ODAD2: variants seen among roughly 807,000 people sequenced by gnomAD.
ODAD2 encodes outer dynein arm-docking complex subunit 2.
A neutral mutation model predicts 106.8 loss-of-function variants in ODAD2; 89 were observed. That is an observed-to-expected ratio of 0.83 (90% CI 0.70 to 0.99). The LOEUF (loss-of-function observed/expected upper bound fraction) is 0.99. Ranked by LOEUF, ODAD2 falls within the 50% of genes least tolerant of loss-of-function variation. The pLI is 0.00. For missense variants in ODAD2, 1,168 were observed against 1,238.5 expected (o/e 0.94, Z 0.85); for synonymous variants, 404 against 436.2 (o/e 0.93, Z 0.92).
chr10:27,836,903 G>T (rs891382415), intron 19 of ODAD2, among the ~76,000 whole-genome samples: 6 of 152,140 alleles, frequency 3.9e-5, no homozygotes, highest in African/African-American at 9.7e-5. Context: ...CAAACCTAAA[G>T]AGTATAGCTC....
chr10:27,985,321 C>A, intron 3 of ODAD2, 110 bp from the exon 4 acceptor site: 1 of 932,768 alleles, frequency 1.1e-6, no homozygotes, highest in Non-Finnish European at 1.5e-6. Flanking sequence ...GTGTTTCTTT[C>A]ATTAAGCTTT....
intron 7 of ODAD2, among the ~76,000 whole-genome samples, chr10:27,980,724 G>T (rs1471803773): frequency 1.3e-5 from 2 of 152,130 alleles, no homozygotes; most frequent in African/African-American, 2.4e-5. Context: ...GATAATGCTG[G>T]TGAGAATGAA....
chr10:27,975,895 ACTT>A (rs1438863964), intron 7 of ODAD2, among the ~76,000 whole-genome samples: 1 of 152,154 alleles, frequency 6.6e-6, no homozygotes, highest in Admixed American at 6.5e-5. Flanking sequence ...TAGGTGCAAA[ACTT>A]CTTAAAATCT....
chr10:27,944,200 T>C, intron 12 of ODAD2, 22 bp downstream of exon 12: 2 of 1,597,898 alleles, frequency 1.3e-6, no homozygotes, highest in South Asian at 1.1e-5. Context: ...TAGATGACGA[T>C]GACAACATCA....
At chr10:27,980,426 A>C (rs1849472249) in intron 7 of ODAD2, among the ~76,000 whole-genome samples, 1 of 152,184 alleles carries the variant, frequency 6.6e-6, no homozygotes, top group African/African-American at 2.4e-5. Flanking sequence ...AAAAATTTGC[A>C]AACCTTCTAT....
intron 17 of ODAD2, among the ~76,000 whole-genome samples, chr10:27,887,189 T>G (rs1842281850): frequency 6.6e-6 from 1 of 151,984 alleles, no homozygotes; most frequent in East Asian, 1.9e-4. Context: ...ATGCAAATAG[T>G]AATTAAAAGA....
At position 27,959,255 on chromosome 10, in the gene ODAD2, G is replaced by GGAAA. The variant is rs145961853; in HGVS notation, c.1386+2309_1386+2312dup. The stretch of plus-strand genomic sequence containing the variant: ...AGGCGAGGAGGGGAGGAAGAAAGAA[G>GGAAA]GAAAGAAAGAAAGGAAAGGAAAGGG... On this transcript the variant is annotated intron_variant, in intron 10 of 19. Transcript: ENST00000305242. Among the ~76,000 whole-genome samples the GGAAA allele has an allele frequency of 1.8e-3, 260 of 142,878 alleles. 3 individuals are homozygous for GGAAA. Among genetic ancestry groups the GGAAA allele is most frequent in the African/African-American group, 6.7e-3 (247 of 36,704 alleles). 93.7% of individuals were successfully genotyped at this position (142,878 alleles called of 152,430 possible). A position where few individuals can be genotyped will look rare whatever the true frequency, so the allele number is the denominator to read the frequency against.
intron 10 of ODAD2, among the ~76,000 whole-genome samples, chr10:27,961,260 C>A (rs57246433): frequency 1.3e-5 from 2 of 152,070 alleles, no homozygotes; most frequent in African/African-American, 4.8e-5. Context: ...TTTAAAAATC[C>A]ATGTTATTTC....
At chr10:27,897,106 C>T (rs932511373) in intron 17 of ODAD2, among the ~76,000 whole-genome samples, 1 of 152,018 alleles carries the variant, frequency 6.6e-6, no homozygotes, top group Non-Finnish European at 1.5e-5. Flanking sequence ...CTCTTGATTT[C>T]TCTCCTTTCT....
chr10:27,896,776 A>C (rs1222307795), intron 17 of ODAD2, among the ~76,000 whole-genome samples: 1 of 152,196 alleles, frequency 6.6e-6, no homozygotes, highest in Non-Finnish European at 1.5e-5. Context: ...AGATATAGAT[A>C]TATAGATACA....
At chr10:27,879,995 ACAAGAGCAG>A (rs1841594700) in intron 17 of ODAD2, among the ~76,000 whole-genome samples, 1 of 152,204 alleles carries the variant, frequency 6.6e-6, no homozygotes. Flanking sequence ...ATGTGGTCCG[ACAAGAGCAG>A]AGTGTAGCGG....
chr10:27,920,537 C>T (rs1021586999), intron 16 of ODAD2, among the ~76,000 whole-genome samples: 9 of 152,044 alleles, frequency 5.9e-5, no homozygotes, highest in Admixed American at 4.6e-4. Flanking sequence ...AACCAAGATT[C>T]GGAAGATTAA....
At chr10:27,831,281 T>C (rs1442239079) in intron 19 of ODAD2, among the ~76,000 whole-genome samples, 2 of 152,162 alleles carry the variant, frequency 1.3e-5, no homozygotes, top group Non-Finnish European at 2.9e-5. Context: ...ATTTATAAAA[T>C]ATTAAATCTG....
chr10:27,923,757 G>A (rs1219335627), intron 16 of ODAD2, among the ~76,000 whole-genome samples: 1 of 151,726 alleles, frequency 6.6e-6, no homozygotes, highest in East Asian at 1.9e-4. Flanking sequence ...AGACCAGCCT[G>A]GACAACAGAG....
chr10:27,994,852 C>G, intron 2 of ODAD2, 67 bp downstream of exon 2: 1 of 1,549,450 alleles, frequency 6.5e-7, no homozygotes, highest in Middle Eastern at 2.0e-4. Context: ...GCCCCCAAAC[C>G]TAGAACCAAT....
chr10:27,817,160 C>T (rs567127060), intron 19 of ODAD2, among the ~76,000 whole-genome samples: 26 of 152,196 alleles, frequency 1.7e-4, no homozygotes, highest in African/African-American at 4.3e-4. Flanking sequence ...TAAAAAATAA[C>T]GAGCAGGAAG....
intron 19 of ODAD2, among the ~76,000 whole-genome samples, chr10:27,836,931 C>T (rs1564411731): frequency 6.6e-6 from 1 of 152,066 alleles, no homozygotes; most frequent in African/African-American, 2.4e-5. Flanking sequence ...CACGACTAAG[C>T]CTCAAAGATA....
Position 27,985,133 on chromosome 10 carries a change from A to G in ODAD2, c.461T>C (p.Leu154Pro), listed in dbSNP as rs1485223785. The G allele has an allele frequency of 6.3e-7, 1 of 1,598,610 alleles. No homozygotes were observed. Among genetic ancestry groups the G allele is most frequent in the Admixed American group, 1.7e-5 (1 of 58,894 alleles). The change falls in exon 4 of 20, where the codon CTT (leucine) becomes CCT (proline). Residue 154 changes from leucine to proline, a missense_variant. Leu to Pro is a moderately conservative substitution (Grantham distance 98). Around this residue, in one of 3 missense-constraint regions of ODAD2, gnomAD observed 430 missense variants for 452.2 expected, o/e 0.95. Transcript: ENST00000305242. Reference sequence around the variant, plus strand: ...ATCATCATCTCTGGTAATTTTGCCAAGAATATTTAATGCAATTGAGTTTTC... The same window carrying G: ...ATCATCATCTCTGGTAATTTTGCCAGGAATATTTAATGCAATTGAGTTTTC... ...MKENSIALNI[L>P]GKITRDDDPE...
intron 19 of ODAD2, among the ~76,000 whole-genome samples, chr10:27,850,444 CAAAAAAAAAAA>C (rs10713871): frequency 1.1e-5 from 1 of 89,582 alleles, no homozygotes; most frequent in African/African-American, 4.4e-5. Context: ...GACTCCGTCT[CAAAAAAAAAAA>C]AAAAAAAAAA....
Sources: allele counts gnomAD v4.1 joint callset (sites outside exome capture counted in the v4.1 genomes callset), GRCh38; gene constraint gnomAD v4.1.1; regional missense constraint gnomAD v4.1.1; transcripts MANE v1.5; gene names NCBI Gene and HGNC (gene_info 2026-07-23, HGNC 2026-07-21).